Variants in ADGRG6 observed in about 807,000 individuals in gnomAD.
ADGRG6 encodes adhesion G protein-coupled receptor G6, also known as G-protein coupled receptor 126.
In ADGRG6, 84 loss-of-function variants were observed where a neutral mutation model predicts 142.4. That is an observed-to-expected ratio of 0.59 (90% CI 0.49 to 0.71). The LOEUF is 0.71. ADGRG6 is among the 30% of genes least tolerant of loss of function. The probability of loss-of-function intolerance (pLI) is 0.00; values close to 1 mark genes in which losing one functional copy is unlikely to be tolerated. For synonymous variants in ADGRG6, 521 were observed against 520.5 expected (o/e 1.00, Z -0.01); for missense variants, 1,367 against 1,466.6 (o/e 0.93, Z 1.11).
At chr6:142,317,354 G>A (rs1778135851) in intron 2 of ADGRG6, among the ~76,000 whole-genome samples, 1 of 151,988 alleles carries the variant, frequency 6.6e-6, no homozygotes, top group Non-Finnish European at 1.5e-5. Flanking sequence ...CACCATGGAA[G>A]ACAGAATCAG....
chr6:142,332,438 A>G (rs1779106086), intron 2 of ADGRG6, among the ~76,000 whole-genome samples: 1 of 151,160 alleles, frequency 6.6e-6, no homozygotes, highest in African/African-American at 2.4e-5. Context: ...TTGAGACCTC[A>G]GTTGGCTCTC....
At chr6:142,362,282 C>T (rs117694752) in intron 2 of ADGRG6, among the ~76,000 whole-genome samples, 7 of 152,260 alleles carry the variant, frequency 4.6e-5, no homozygotes, top group South Asian at 4.1e-4. Context: ...ATGCTTAAGT[C>T]GTTGAAGTAG....
chr6:142,401,568 C>T (rs1775528852), intron 11 of ADGRG6, among the ~76,000 whole-genome samples: 1 of 152,040 alleles, frequency 6.6e-6, no homozygotes, highest in Non-Finnish European at 1.5e-5. Context: ...GAAACTTAAC[C>T]TAGAAATCAA....
intron 2 of ADGRG6, among the ~76,000 whole-genome samples, chr6:142,360,040 T>A (rs1780641406): frequency 6.6e-6 from 1 of 152,130 alleles, no homozygotes; most frequent in African/African-American, 2.4e-5. Flanking sequence ...GACCTTAAAC[T>A]GTGGGAATGA....
At chr6:142,309,993 T>G (rs1340083944) in intron 2 of ADGRG6, among the ~76,000 whole-genome samples, 1 of 151,912 alleles carries the variant, frequency 6.6e-6, no homozygotes, top group African/African-American at 2.4e-5. Context: ...TATACAGTAC[T>G]TCTCTTTTCA....
In ADGRG6 at chr6:142,402,009, C is replaced by A; in HGVS notation, c.1695C>A (p.Thr565=). The change falls in exon 12 of 25, where the codon ACC becomes ACA. Residue 565 remains threonine, a synonymous_variant. Coordinates refer to ENST00000367609, the MANE Select transcript of ADGRG6 (RefSeq NM_198569.3). ...SASRICFYNA[T]NPLVTYWGPV... is the part of the protein sequence containing the mutation. ...TGTTTCATAGTTTTTACAATGCTAC[C>A]AACCCATTGGTAACCTACTGGGGAC... 2.6e-6 allele frequency: 4 copies of A among 1,518,816 alleles called. No homozygotes were observed. The highest frequency in any genetic ancestry group is 2.3e-5 in the East Asian group (1 of 43,508). The allele number at this position is 1,518,816 out of a possible 1,614,324, so 94.1% of individuals were successfully genotyped here.
chr6:142,344,166 T>C (rs1465884299), intron 2 of ADGRG6, among the ~76,000 whole-genome samples: 2 of 151,926 alleles, frequency 1.3e-5, no homozygotes, highest in Non-Finnish European at 2.9e-5. Context: ...AATCCTTCCC[T>C]AGATGGTGTC....
intron 21 of ADGRG6, among the ~76,000 whole-genome samples, chr6:142,418,295 T>TG (rs1776471319): frequency 1.3e-5 from 1 of 79,786 alleles, no homozygotes; most frequent in East Asian, 3.9e-4. Flanking sequence ...AGACTCCATC[T>TG]AAAAAAAAAA....
intron 15 of ADGRG6, among the ~76,000 whole-genome samples, chr6:142,407,748 A>G (rs1356948693): frequency 6.6e-6 from 1 of 152,166 alleles, no homozygotes; most frequent in Non-Finnish European, 1.5e-5. Context: ...TTTATTTTTC[A>G]CACCATATTT....
chr6:142,367,122 G>A (rs1218340953), intron 2 of ADGRG6, among the ~76,000 whole-genome samples: 1 of 151,786 alleles, frequency 6.6e-6, no homozygotes, highest in Non-Finnish European at 1.5e-5. Context: ...TTGTAACATT[G>A]AGCACTATCT....
chr6:142,407,170 T>TAAAAAAAAAAAAAAAAA (rs11414768), intron 15 of ADGRG6, among the ~76,000 whole-genome samples: 101 of 120,970 alleles, frequency 8.3e-4, no homozygotes, highest in African/African-American at 3.2e-3. Context: ...CCCGTCTCTT[T>TAAAAAAAAAAAAAAAAA]AAAAAAAAAA....
At chr6:142,401,178 A>G (rs1364204094) in intron 11 of ADGRG6, among the ~76,000 whole-genome samples, 2 of 152,170 alleles carry the variant, frequency 1.3e-5, no homozygotes, top group African/African-American at 4.8e-5. Context: ...GAAACTGCCT[A>G]AGCATAAATA....
rs769498618 is a variant in ADGRG6 at position 142,373,881 on chromosome 6, CTTTTTT to C, written c.1069+3107_1069+3112del. On this transcript the variant is annotated intron_variant, in intron 4 of 24. Coordinates refer to ENST00000367609, the MANE Select transcript of ADGRG6 (RefSeq NM_198569.3). ...TAATACTTGTTTTTCTTTTTCTTTT[CTTTTTT>C]TTTTTTTTTTTTTTTTTTAAGTTGG... Among the ~76,000 whole-genome samples the C allele has an allele frequency of 3.1e-3, 287 of 93,848 alleles. 6 individuals are homozygous for C. The East Asian group carries it at 0.076, about 25-fold the overall frequency. 61.6% of individuals were successfully genotyped at this position (93,848 alleles called of 152,430 possible). A position where few individuals can be genotyped will look rare whatever the true frequency, so the allele number is the denominator to read the frequency against.
At chr6:142,328,264 A>G (rs1186331773) in intron 2 of ADGRG6, among the ~76,000 whole-genome samples, 1 of 152,118 alleles carries the variant, frequency 6.6e-6, no homozygotes, top group Non-Finnish European at 1.5e-5. Flanking sequence ...GTGCAGTGGC[A>G]TGATTTCAGC....
At chr6:142,358,849 A>C (rs909675919) in intron 2 of ADGRG6, among the ~76,000 whole-genome samples, 5 of 151,926 alleles carry the variant, frequency 3.3e-5, no homozygotes, top group African/African-American at 1.2e-4. Flanking sequence ...AGGTTGCAGC[A>C]GTGAGCCGAG....
chr6:142,322,980 C>T (rs573802860), intron 2 of ADGRG6, among the ~76,000 whole-genome samples: 1 of 152,186 alleles, frequency 6.6e-6, no homozygotes, highest in South Asian at 2.1e-4. Flanking sequence ...TGAATGGCCT[C>T]TGAGAGTGTT....
At chr6:142,357,531 A>G (rs1002805840) in intron 2 of ADGRG6, among the ~76,000 whole-genome samples, 3 of 152,246 alleles carry the variant, frequency 2.0e-5, no homozygotes, top group African/African-American at 7.2e-5. Context: ...GGTTGCACCT[A>G]TAATTTGCTT....
intron 2 of ADGRG6, among the ~76,000 whole-genome samples, chr6:142,362,150 T>A (rs1476594605): frequency 6.6e-6 from 1 of 152,160 alleles, no homozygotes; most frequent in African/African-American, 2.4e-5. Context: ...CTTTGGAAAT[T>A]CAAAAAATTG....
At chr6:142,334,124 A>T (rs1032471245) in intron 2 of ADGRG6, among the ~76,000 whole-genome samples, 3 of 152,216 alleles carry the variant, frequency 2.0e-5, no homozygotes. Flanking sequence ...GTTTACCCCA[A>T]GATATGAATG....
Sources: gnomAD v4.1 joint callset for allele counts (sites outside exome capture counted in the v4.1 genomes callset) on GRCh38, gnomAD v4.1.1 for gene constraint, MANE v1.5 for transcripts, NCBI Gene and HGNC (gene_info 2026-07-23, HGNC 2026-07-21) for gene names.